The following OTUD7A variants were observed in gnomAD, a reference collection of about 807,000 sequenced individuals.
OTUD7A encodes the protein OTU domain-containing protein 7A.
OTUD7A carries 12 observed loss-of-function variants against 65.7 expected under a neutral mutation model. The ratio of observed to expected loss-of-function variants is 0.18; its 90% confidence interval spans 0.12 to 0.30. OTUD7A has a LOEUF of 0.30. Ranked by LOEUF, OTUD7A falls within the 10% of genes least tolerant of loss-of-function variation. The pLI, the probability that OTUD7A is intolerant of heterozygous loss-of-function variation, is 1.00. For synonymous variants in OTUD7A, 641 were observed against 586.3 expected (o/e 1.09, Z -1.35); for missense variants, 1,148 against 1,304.8 (o/e 0.88, Z 1.85).
chr15:31,618,010 T>C (rs1345781814), intron 3 of OTUD7A, among the ~76,000 whole-genome samples: 1 of 151,248 alleles, frequency 6.6e-6, no homozygotes, highest in Non-Finnish European at 1.5e-5. Context: ...TTCCCACCTA[T>C]GAGTGAGAAC....
At chr15:31,627,271 T>C (rs1890990087) in intron 3 of OTUD7A, among the ~76,000 whole-genome samples, 1 of 119,380 alleles carries the variant, frequency 8.4e-6, no homozygotes, top group Non-Finnish European at 1.6e-5. Flanking sequence ...CCCCGGAGTG[T>C]GATGTTCCCC....
At chr15:31,602,249 A>G (rs1045958028) in intron 3 of OTUD7A, among the ~76,000 whole-genome samples, 2 of 152,238 alleles carry the variant, frequency 1.3e-5, no homozygotes, top group African/African-American at 4.8e-5. Flanking sequence ...CAAAAAGCTT[A>G]TCCACCATGA....
chr15:31,530,654 T>C, intron 6 of OTUD7A, 53 bp downstream of exon 6: 1 of 1,511,608 alleles, frequency 6.6e-7, no homozygotes, highest in Non-Finnish European at 9.1e-7. Flanking sequence ...CATATGTCTT[T>C]CCTTACGCAG....
At chr15:31,625,667 A>T (rs1181187380) in intron 3 of OTUD7A, among the ~76,000 whole-genome samples, 1 of 152,220 alleles carries the variant, frequency 6.6e-6, no homozygotes, top group African/African-American at 2.4e-5. Flanking sequence ...GTGTTTACCC[A>T]AGAAAAGCAA....
chr15:31,668,953 G>A (rs1395700667), intron 1 of OTUD7A, among the ~76,000 whole-genome samples: 4 of 152,288 alleles, frequency 2.6e-5, no homozygotes, highest in Middle Eastern at 3.4e-3. Context: ...AGTCTACCTG[G>A]CTCCAGACTG....
intron 1 of OTUD7A, among the ~76,000 whole-genome samples, chr15:31,670,981 C>T (rs1018545683): frequency 4.6e-5 from 7 of 150,824 alleles, no homozygotes; most frequent in Middle Eastern, 3.4e-3. Context: ...GGGGACAAAG[C>T]GAGACTCCGT....
chr15:31,652,979 A>G (rs1196910991), intron 3 of OTUD7A, among the ~76,000 whole-genome samples: 1 of 152,162 alleles, frequency 6.6e-6, no homozygotes, highest in East Asian at 1.9e-4. Context: ...GGCCAGGCAC[A>G]GTGGCTCACA....
At chr15:31,524,151 T>C (rs979118313) in intron 8 of OTUD7A, among the ~76,000 whole-genome samples, 14 of 152,104 alleles carry the variant, frequency 9.2e-5, no homozygotes, top group East Asian at 3.9e-4. Flanking sequence ...TTTTTTTTTT[T>C]CCCTTTTTCT....
intron 1 of OTUD7A, among the ~76,000 whole-genome samples, chr15:31,844,169 C>A (rs1210575865): frequency 2.0e-5 from 3 of 152,202 alleles, no homozygotes; most frequent in Non-Finnish European, 2.9e-5. Flanking sequence ...ATCCCAGGCA[C>A]CCACACTGAC....
chr15:31,505,028 T>A (rs1377490640), intron 8 of OTUD7A, among the ~76,000 whole-genome samples: 3 of 152,280 alleles, frequency 2.0e-5, no homozygotes, highest in Middle Eastern at 3.4e-3. Context: ...GAATATAAAT[T>A]TTTTTAGTAA....
At chr15:31,827,436 G>C (rs996255393) in intron 1 of OTUD7A, among the ~76,000 whole-genome samples, 1 of 152,186 alleles carries the variant, frequency 6.6e-6, no homozygotes, top group African/African-American at 2.4e-5. Context: ...TCTCCCACCA[G>C]GTCCCTCCCA....
chr15:31,713,148 T>C (rs1465774518), intron 1 of OTUD7A, among the ~76,000 whole-genome samples: 2 of 152,162 alleles, frequency 1.3e-5, no homozygotes, highest in South Asian at 2.1e-4. Context: ...GGGAAAGCCA[T>C]ATGAGAAAAT....
chr15:31,617,762 A>G (rs940111180), intron 3 of OTUD7A, among the ~76,000 whole-genome samples: 1 of 151,820 alleles, frequency 6.6e-6, no homozygotes, highest in African/African-American at 2.4e-5. Context: ...TTCCTTTTTT[A>G]TTTTTATTTT....
At chr15:31,659,098 T>A (rs1892085560) in intron 1 of OTUD7A, among the ~76,000 whole-genome samples, 1 of 151,902 alleles carries the variant, frequency 6.6e-6, no homozygotes, top group Non-Finnish European at 1.5e-5. Context: ...AATTAAAACT[T>A]CTGTTTCAAT....
intron 3 of OTUD7A, among the ~76,000 whole-genome samples, chr15:31,608,149 AG>A (rs1890290240): frequency 6.6e-6 from 1 of 152,174 alleles, no homozygotes; most frequent in Admixed American, 6.5e-5. Context: ...TGGGAGGCTG[AG>A]GCAGGAGAAT....
intron 1 of OTUD7A, among the ~76,000 whole-genome samples, chr15:31,725,084 C>T (rs1374932039): frequency 6.6e-6 from 1 of 152,082 alleles, no homozygotes; most frequent in African/African-American, 2.4e-5. Flanking sequence ...ACAAAATGAG[C>T]CCAGAGCCCC....
intron 1 of OTUD7A, among the ~76,000 whole-genome samples, chr15:31,730,473 T>C (rs529010134): frequency 7.9e-5 from 12 of 152,192 alleles, no homozygotes; most frequent in Non-Finnish European, 1.8e-4. Context: ...AGGCATCAAA[T>C]TCCCTCTATG....
rs1350366430 is a variant in OTUD7A, at chr15:31,480,398, C to T, written c.*2896G>A. The T allele has an allele frequency of 6.6e-6, 1 of 152,250 alleles. No homozygotes were observed. Among genetic ancestry groups the T allele is most frequent in the Non-Finnish European group, 1.5e-5 (1 of 68,058 alleles). The allele number at this position is 152,250 out of a possible 1,614,324, so 9.4% of individuals were successfully genotyped here. ...CTGGAAACCTGCAGTCCCTTGGAGA[C>T]ACCTGTCCTTCCTAGAAAGGGAAGT... On this transcript the variant is annotated 3_prime_UTR_variant, in exon 13 of 13. Coordinates refer to ENST00000307050, the MANE Select transcript of OTUD7A (RefSeq NM_001382637.1).
At chr15:31,504,120 A>G (rs1170061636) in intron 8 of OTUD7A, among the ~76,000 whole-genome samples, 1 of 152,176 alleles carries the variant, frequency 6.6e-6, no homozygotes, top group Non-Finnish European at 1.5e-5. Context: ...AGCCCACCAG[A>G]GCCTGTGGTA....
Sources: gnomAD v4.1 joint callset for allele counts (sites outside exome capture counted in the v4.1 genomes callset) on GRCh38, gnomAD v4.1.1 for gene constraint, MANE v1.5 for transcripts, NCBI Gene and HGNC (gene_info 2026-07-23, HGNC 2026-07-21) for gene names.